Variants in CDC5L observed in about 807,000 individuals in gnomAD.
CDC5L encodes the protein cell division cycle 5 like, also known as cell division cycle 5-like protein.
In CDC5L, 18 loss-of-function variants were observed where a neutral mutation model predicts 104.1. The ratio of observed to expected loss-of-function variants is 0.17; its 90% CI spans 0.12 to 0.26. The LOEUF is 0.26. Among genes scored for constraint, CDC5L ranks in the 10% least tolerant of loss-of-function variants. CDC5L has a pLI of 1.00. For missense variants in CDC5L, 673 were observed against 956.9 expected, an observed-to-expected ratio of 0.70 and a Z score of 3.91; for synonymous variants, 331 against 322.7, an observed-to-expected ratio of 1.03 and a Z score of -0.28.
chr6:44,409,794 C>T (rs937864598), intron 8 of CDC5L, among the ~76,000 whole-genome samples: 1 of 152,214 alleles, frequency 6.6e-6, no homozygotes, highest in Admixed American at 6.5e-5. Context: ...TTTCCCTTCA[C>T]TGTCACCCTA....
intron 14 of CDC5L, among the ~76,000 whole-genome samples, chr6:44,445,006 C>A (rs1282659834): frequency 6.6e-6 from 1 of 152,204 alleles, no homozygotes; most frequent in African/African-American, 2.4e-5. Context: ...TGTCGAGTAG[C>A]CACTGGTAGA....
rs550598424 is a variant in CDC5L, at chr6:44,449,015, T to A, written c.*2304T>A. 6.6e-6 allele frequency: 1 copy of A among 152,346 alleles called. No individual in the cohort carries two copies. The highest frequency in any genetic ancestry group is 2.4e-5 in the African/African-American group (1 of 41,582). The allele number at this position is 152,346 out of a possible 1,614,324, so 9.4% of individuals were successfully genotyped here. On this transcript the variant is annotated 3_prime_UTR_variant, in exon 16 of 16. Coordinates refer to ENST00000371477, the MANE Select transcript of CDC5L (RefSeq NM_001253.4). ...AGATTTTCCCACATTAAATCATCTT[T>A]GCACTCCTGGAATCAGGTAGATTAA... is the stretch of plus-strand genomic sequence containing the variant.
At position 44,419,536 on chromosome 6, in the gene CDC5L, G is replaced by A; in HGVS notation, c.1180G>A (p.Gly394Ser). ...NTPLHESDFS[G>S]VTPQRQVVQT... ...CCCATTGCATGAGAGTGACTTCTCA[G>A]GTGTAACTCCACAGCGACAAGTTGT... Residue 394 changes from glycine (G) to serine (S), a missense_variant, in exon 9 of 16, where the codon GGT (glycine) becomes AGT (serine). Gly to Ser is a moderately conservative substitution (Grantham distance 56). Around this residue, in one of 4 missense-constraint regions of CDC5L, gnomAD observed 578 missense variants for 737.0 expected, o/e 0.78. Transcript: ENST00000371477. 1 of 1,613,382 alleles carries A rather than the reference G, an allele frequency of 6.2e-7. No homozygotes were observed. Among genetic ancestry groups the A allele is most frequent in the Non-Finnish European group, 8.5e-7 (1 of 1,179,304 alleles).
intron 14 of CDC5L, among the ~76,000 whole-genome samples, chr6:44,433,843 T>G (rs1792800060): frequency 6.6e-6 from 1 of 152,208 alleles, no homozygotes; most frequent in African/African-American, 2.4e-5. Flanking sequence ...TGATTTTCAT[T>G]ATAAAGTCAG....
Position 44,408,485 on chromosome 6 carries a change from A to G in CDC5L, c.945A>G (p.Gln315=). The change falls in exon 8 of 16, where the codon CAA becomes CAG. Residue 315 remains glutamine (Q), a synonymous_variant. Coordinates refer to ENST00000371477, the MANE Select transcript of CDC5L (RefSeq NM_001253.4). ...TCCAGGAAGTTGTAAAAGTAGGCCAAGCGAGTGAAATTGCACGTCAAACTG... is the reference window on the plus strand; with the variant it reads ...TCCAGGAAGTTGTAAAAGTAGGCCAGGCGAGTGAAATTGCACGTCAAACTG... The part of the protein sequence containing the change: ...AELQEVVKVG[Q]ASEIARQTAE... 1 of 1,613,966 alleles carries G rather than the reference A, an allele frequency of 6.2e-7. No individual in the cohort carries two copies.
intron 9 of CDC5L, among the ~76,000 whole-genome samples, chr6:44,420,684 A>G (rs1463943308): frequency 6.6e-6 from 1 of 152,148 alleles, no homozygotes; most frequent in Non-Finnish European, 1.5e-5. Context: ...GAGCACCAAC[A>G]TGACACTCAA....
At chr6:44,393,856 G>C (rs1265463420) in intron 4 of CDC5L, among the ~76,000 whole-genome samples, 1 of 151,760 alleles carries the variant, frequency 6.6e-6, no homozygotes, top group East Asian at 1.9e-4. Context: ...TGTAGAGATG[G>C]GGTCTCCCTG....
At position 44,450,412 on chromosome 6, in the gene CDC5L, T is replaced by A. The variant is rs1206246541; in HGVS notation, c.*3701T>A. ...TTTAAGCAACTTTAAATTAAAAAAA[T>A]TGTTTTTAAAATATATTCTTCCTTT... On this transcript the variant is annotated 3_prime_UTR_variant, in exon 16 of 16. Transcript: ENST00000371477. 2.0e-5 allele frequency: 3 copies of A among 152,208 alleles called. No homozygotes were observed. Among genetic ancestry groups the A allele is most frequent in the African/African-American group, 7.2e-5 (3 of 41,464 alleles). The allele number at this position is 152,208 out of a possible 1,614,324, so 9.4% of individuals were successfully genotyped here. A position where few individuals can be genotyped will look rare whatever the true frequency, so the allele number is the denominator to read the frequency against.
chr6:44,433,806 G>T (rs1394094738), intron 14 of CDC5L, among the ~76,000 whole-genome samples: 1 of 152,132 alleles, frequency 6.6e-6, no homozygotes, highest in African/African-American at 2.4e-5. Flanking sequence ...TGCAAAATTG[G>T]CTGCACAGTA....
chr6:44,415,991 G>T (rs74657314), intron 8 of CDC5L, among the ~76,000 whole-genome samples: 2,796 of 152,208 alleles, frequency 0.018, 66 homozygotes, highest in African/African-American at 0.057. Flanking sequence ...TTTTCACTTT[G>T]TGAGCTTTTA....
chr6:44,433,428 G>A (rs563638622), intron 14 of CDC5L, among the ~76,000 whole-genome samples: 7 of 152,158 alleles, frequency 4.6e-5, no homozygotes, highest in Non-Finnish European at 7.4e-5. Context: ...TAATTATTTT[G>A]AGTGAAATAA....
intron 8 of CDC5L, among the ~76,000 whole-genome samples, chr6:44,418,567 G>A (rs369278779): frequency 2.0e-5 from 3 of 152,084 alleles, no homozygotes; most frequent in Non-Finnish European, 2.9e-5. Context: ...CTGAGGAATC[G>A]CCACACTGAC....
At position 44,426,085 on chromosome 6, in the gene CDC5L, A is replaced by G. The variant is rs764165694; in HGVS notation, c.1570-18A>G. 35 of 1,546,638 alleles carry G rather than the reference A, an allele frequency of 2.3e-5. No homozygotes were observed. In the East Asian group the frequency reaches 7.7e-4, roughly 34 times the overall value. On this transcript the variant is annotated intron_variant, in intron 11 of 15. Transcript: ENST00000371477. Reference sequence around the variant, plus strand: ...ATACGCTATAGCTGCAATAAAGGATATAAAAATCATTTTTTAGGCCATACG... The same window carrying G: ...ATACGCTATAGCTGCAATAAAGGATGTAAAAATCATTTTTTAGGCCATACG...
chr6:44,410,120 A>G (rs1032963486), intron 8 of CDC5L, among the ~76,000 whole-genome samples: 1 of 152,172 alleles, frequency 6.6e-6, no homozygotes, highest in Non-Finnish European at 1.5e-5. Context: ...GTTCAAATGT[A>G]CAGTGTACTG....
rs757167857 is a variant in CDC5L at position 44,426,463 on chromosome 6, AT to A, written c.1651-16del. 10 of 1,296,396 alleles carry A rather than the reference AT, an allele frequency of 7.7e-6. No homozygotes were observed. The highest frequency in any genetic ancestry group is 1.1e-5 in the Non-Finnish European group (10 of 902,858). The allele number at this position is 1,296,396 out of a possible 1,614,324, so 80.3% of individuals were successfully genotyped here. On this transcript the variant is annotated intron_variant, in intron 12 of 15. Coordinates refer to ENST00000371477, the MANE Select transcript of CDC5L (RefSeq NM_001253.4). ...TTATAGTGATATGTTTGGTAATTGT[AT>A]TTGTTTTAAAATTTTAGGTAAATGA...
intron 4 of CDC5L, 78 bp from the exon 5 acceptor site, chr6:44,396,263 G>A (rs2153375223): frequency 5.0e-6 from 4 of 793,536 alleles, no homozygotes; most frequent in Admixed American, 2.7e-5. Context: ...GAGCAATAGA[G>A]TGTCTCTTAC....
chr6:44,411,803 A>G (rs1317443086), intron 8 of CDC5L, among the ~76,000 whole-genome samples: 2 of 152,196 alleles, frequency 1.3e-5, no homozygotes, highest in African/African-American at 2.4e-5. Context: ...TCTCAAGTAA[A>G]TAAGTAAAAT....
intron 7 of CDC5L, among the ~76,000 whole-genome samples, chr6:44,407,566 C>CTACCATCT (rs1271319194): frequency 2.6e-5 from 4 of 152,136 alleles, no homozygotes; most frequent in Admixed American, 6.5e-5. Flanking sequence ...ACTTCGTGAG[C>CTACCATCT]TACCATCTAC....
chr6:44,446,361 G>T (rs1793454006), intron 15 of CDC5L, among the ~76,000 whole-genome samples: 1 of 152,158 alleles, frequency 6.6e-6, no homozygotes, highest in Non-Finnish European at 1.5e-5. Context: ...TGCATTTGTG[G>T]GTATTGATAA....
Sources: gnomAD v4.1 joint callset for allele counts (sites outside exome capture counted in the v4.1 genomes callset) on GRCh38, gnomAD v4.1.1 for gene constraint, gnomAD v4.1.1 regional missense constraint, MANE v1.5 for transcripts, NCBI Gene and HGNC (gene_info 2026-07-23, HGNC 2026-07-21) for gene names.